Variants in DPY19L2 observed in about 807,000 individuals in gnomAD.
DPY19L2 encodes the protein dpy-19 like 2, also known as probable C-mannosyltransferase DPY19L2.
In DPY19L2, 34 loss-of-function variants were observed where a neutral mutation model predicts 97.9. That is an observed-to-expected ratio of 0.35 (90% CI 0.26 to 0.46). The LOEUF (loss-of-function observed/expected upper bound fraction) is 0.46, where lower values mean the gene tolerates loss of function less well. Ranked by LOEUF, DPY19L2 falls within the 20% of genes least tolerant of loss-of-function variation. DPY19L2 has a pLI of 1.00. For synonymous variants in DPY19L2, 230 were observed against 307.9 expected (o/e 0.75, Z 2.65); for missense variants, 623 against 911.4 (o/e 0.68, Z 4.07).
At chr12:63,570,285 A>G (rs1479579878) in intron 20 of DPY19L2, among the ~76,000 whole-genome samples, 1 of 152,210 alleles carries the variant, frequency 6.6e-6, no homozygotes, top group African/African-American at 2.4e-5. Flanking sequence ...AGCACGTAAT[A>G]TATAATAGCA....
Position 63,594,100 on chromosome 12 carries a change from T to C in DPY19L2, c.1567A>G (p.Asn523Asp), listed in dbSNP as rs1276170384. ...TGATATAATTACCTTAGATAAATGTTTGTAGCTAAAACATATGAAATATCA... is the reference window on the plus strand; with the variant it reads ...TGATATAATTACCTTAGATAAATGTCTGTAGCTAAAACATATGAAATATCA... ...VRDISYVLAT[N>D]IYLRKQLLEH... Residue 523 changes from asparagine to aspartate, a missense_variant, in exon 16 of 22, where the codon AAC (asparagine) becomes GAC (aspartate). Physicochemically the swap from Asn to Asp is conservative, Grantham distance 23. Transcript: ENST00000324472. 1.7e-5 allele frequency: 26 copies of C among 1,542,200 alleles called. No individual in the cohort carries two copies. Among genetic ancestry groups the C allele is most frequent in the Non-Finnish European group, 2.2e-5 (25 of 1,130,700 alleles).
At position 63,595,830 on chromosome 12, in the gene DPY19L2, G is replaced by A. The variant is rs2137521991; in HGVS notation, c.1533+136C>T. 4.1e-6 allele frequency: 3 copies of A among 738,008 alleles called. 1 individual carries two copies. In the Admixed American group the frequency reaches 1.0e-4, roughly 25 times the overall value. 45.7% of individuals were successfully genotyped at this position (738,008 alleles called of 1,614,324 possible). A position where few individuals can be genotyped will look rare whatever the true frequency, so the allele number is the denominator to read the frequency against. Reference sequence around the variant, plus strand: ...GGCTTTTTATAAAAAGATCGATGATGAAAGATCTAAATAAAAAGCAAACTT... The same window carrying A: ...GGCTTTTTATAAAAAGATCGATGATAAAAGATCTAAATAAAAAGCAAACTT... On this transcript the variant is annotated intron_variant, in intron 15 of 21. Transcript: ENST00000324472.
At chr12:63,608,517 C>T (rs2971486) in intron 12 of DPY19L2, 99 bp downstream of exon 12, 1 of 1,138,952 alleles carries the variant, frequency 8.8e-7, no homozygotes, top group South Asian at 1.4e-5. Context: ...TATTTATTAA[C>T]TATAAATCAT....
intron 6 of DPY19L2, among the ~76,000 whole-genome samples, chr12:63,627,395 G>A (rs1399299213): frequency 2.0e-5 from 3 of 152,218 alleles, no homozygotes. Context: ...TGTCACCCAG[G>A]CTGGAGTGCA....
chr12:63,576,399 A>C (rs1267000638), intron 19 of DPY19L2, among the ~76,000 whole-genome samples: 1 of 151,960 alleles, frequency 6.6e-6, no homozygotes, highest in Non-Finnish European at 1.5e-5. Flanking sequence ...AAGGATGCTC[A>C]CTTTTTACCA....
At chr12:63,637,719 G>A (rs1470901329) in intron 6 of DPY19L2, among the ~76,000 whole-genome samples, 3 of 151,938 alleles carry the variant, frequency 2.0e-5, no homozygotes, top group Admixed American at 6.6e-5. Flanking sequence ...ATAACTAATA[G>A]CCTACCAACC....
intron 21 of DPY19L2, among the ~76,000 whole-genome samples, chr12:63,562,666 G>A (rs2137240146): frequency 6.6e-6 from 1 of 150,608 alleles, no homozygotes; most frequent in African/African-American, 2.4e-5. Context: ...ACACTTGGCA[G>A]TTTTTTTTTC....
chr12:63,579,807 A>C (rs1198818546), intron 19 of DPY19L2, among the ~76,000 whole-genome samples: 1 of 152,140 alleles, frequency 6.6e-6, no homozygotes, highest in African/African-American at 2.4e-5. Context: ...CAAGTATCTT[A>C]CTTAAAGCTT....
At chr12:63,590,837 C>A (rs550737455) in intron 16 of DPY19L2, among the ~76,000 whole-genome samples, 2 of 151,986 alleles carry the variant, frequency 1.3e-5, no homozygotes, top group African/African-American at 4.8e-5. Context: ...GAGATTTAAC[C>A]CGGAACCCTC....
intron 11 of DPY19L2, among the ~76,000 whole-genome samples, chr12:63,612,542 A>G (rs1887180816): frequency 6.6e-6 from 1 of 151,056 alleles, no homozygotes; most frequent in Admixed American, 6.6e-5. Context: ...AGCACTAAAC[A>G]CCTGTGTTTA....
At chr12:63,588,996 G>A (rs1358421366) in intron 16 of DPY19L2, among the ~76,000 whole-genome samples, 2 of 151,536 alleles carry the variant, frequency 1.3e-5, no homozygotes, top group African/African-American at 2.4e-5. Flanking sequence ...CTCGTGATCC[G>A]CCCACCTTGG....
chr12:63,610,853 A>C (rs977980942), intron 11 of DPY19L2, among the ~76,000 whole-genome samples: 4 of 92,198 alleles, frequency 4.3e-5, no homozygotes, highest in African/African-American at 1.5e-4. Flanking sequence ...AAAAAAAAAA[A>C]AAAAAAAAAA....
rs768238414 is a variant in DPY19L2 at position 63,582,409 on chromosome 12, T to C, written c.1722A>G (p.Arg574=). 23 of 1,612,426 alleles carry C rather than the reference T, an allele frequency of 1.4e-5. 1 individual carries two copies. In the South Asian group the frequency reaches 1.9e-4, roughly 13 times the overall value. ...TATACAAGAATGAATCCCTTACCTG[T>C]CGAGAGCATATCAAGGAAGCCATAA... ...MCVMASLICS[R]QLFGWLFRRV... Residue 574 remains arginine (R), a synonymous_variant, in exon 18 of 22, where the codon CGA becomes CGG. Transcript: ENST00000324472.
chr12:63,567,336 C>G (rs1227588334), intron 21 of DPY19L2, among the ~76,000 whole-genome samples: 2 of 151,892 alleles, frequency 1.3e-5, no homozygotes, highest in Non-Finnish European at 2.9e-5. Context: ...CTCTTTTTTT[C>G]CCCACTGTTT....
Position 63,667,964 on chromosome 12 carries a change from C to A in DPY19L2, c.337+93G>T, listed in dbSNP as rs867192943. On this transcript the variant is annotated intron_variant, in intron 1 of 21. Transcript: ENST00000324472. The stretch of plus-strand genomic sequence containing the variant: ...CCTTGCTATTATTTCCTACTAGGCA[C>A]CCACAAACCCTTGCTTGTTAAACTG... 4 of 1,435,962 alleles carry A rather than the reference C, an allele frequency of 2.8e-6. No homozygotes were observed. In the East Asian group the frequency reaches 9.2e-5, roughly 33 times the overall value. 89.0% of individuals were successfully genotyped at this position (1,435,962 alleles called of 1,614,324 possible).
At chr12:63,605,771 A>G (rs1885935882) in intron 12 of DPY19L2, among the ~76,000 whole-genome samples, 1 of 152,196 alleles carries the variant, frequency 6.6e-6, no homozygotes, top group African/African-American at 2.4e-5. Context: ...CAAAATGGCT[A>G]GGCCTGGAAC....
intron 18 of DPY19L2, 140 bp from the exon 19 acceptor site, chr12:63,580,976 C>G (rs1043570720): frequency 1.1e-6 from 1 of 881,120 alleles, no homozygotes. Context: ...TTATCATCTC[C>G]GATTGTTTCT....
chr12:63,593,918 G>A (rs557488876), intron 16 of DPY19L2, among the ~76,000 whole-genome samples, 169 bp downstream of exon 16: 1 of 152,054 alleles, frequency 6.6e-6, no homozygotes, highest in South Asian at 2.1e-4. Context: ...ATACATATAA[G>A]AAATCTGTAA....
intron 11 of DPY19L2, among the ~76,000 whole-genome samples, chr12:63,615,427 A>C (rs1289080419): frequency 6.6e-6 from 1 of 152,178 alleles, no homozygotes; most frequent in Non-Finnish European, 1.5e-5. Flanking sequence ...CTTTTAATGA[A>C]AGAACAATAC....
Sources: gnomAD v4.1 joint callset for allele counts (sites outside exome capture counted in the v4.1 genomes callset) on GRCh38, gnomAD v4.1.1 for gene constraint, MANE v1.5 for transcripts, NCBI Gene and HGNC (gene_info 2026-07-23, HGNC 2026-07-21) for gene names.